Variants in EFHB observed in about 807,000 individuals in gnomAD.
EFHB encodes EF-hand domain-containing family member B.
EFHB carries 91 observed loss-of-function variants against 87.2 expected under a neutral mutation model. That is an observed-to-expected ratio of 1.04 (90% CI 0.88 to 1.24). The LOEUF is 1.24. Among genes scored for constraint, EFHB ranks in the 50% most tolerant of loss-of-function variants. EFHB has a pLI of 0.00. For synonymous variants in EFHB, 325 were observed against 333.6 expected (o/e 0.97, Z 0.28); for missense variants, 1,084 against 998.8 (o/e 1.09, Z -1.15).
intron 8 of EFHB, among the ~76,000 whole-genome samples, chr3:19,898,209 T>A (rs975037034): frequency 6.6e-5 from 10 of 152,240 alleles, no homozygotes; most frequent in African/African-American, 2.2e-4. Flanking sequence ...GATTGATTGA[T>A]CAACTTACTG....
chr3:19,940,907 T>C (rs1575058773), intron 1 of EFHB: 2 of 344,578 alleles, frequency 5.8e-6, no homozygotes, highest in Admixed American at 3.4e-5. Flanking sequence ...TGAAGGTCTG[T>C]CTGCTTGGAA....
At chr3:19,936,733 T>C (rs1423945351), upstream of EFHB, among the ~76,000 whole-genome samples, 1 of 151,742 alleles carries the variant, frequency 6.6e-6, no homozygotes, top group Non-Finnish European at 1.5e-5. Flanking sequence ...CTGGACATGG[T>C]GGCCAGCACT....
chr3:19,945,389 C>G (rs761201692), intron 1 of EFHB, among the ~76,000 whole-genome samples: 1 of 152,148 alleles, frequency 6.6e-6, no homozygotes, highest in Non-Finnish European at 1.5e-5. Flanking sequence ...CAGCAGTATG[C>G]ATTAATTTCA....
rs572282358 is a variant in EFHB, at chr3:19,891,704, G to A, written c.1726-3053C>T. ...CTATAGGACAAAAATTATGGCTACT[G>A]ATTGAACTATCTGGGTAGTTCATGT... is the stretch of plus-strand genomic sequence containing the variant. On this transcript the variant is annotated intron_variant, in intron 9 of 12. Transcript: ENST00000295824. Among the ~76,000 whole-genome samples, 18 of 152,288 alleles carry A rather than the reference G, an allele frequency of 1.2e-4. No homozygotes were observed. The South Asian group carries it at 3.7e-3, about 32-fold the overall frequency.
chr3:19,898,446 A>G (rs991343962), intron 8 of EFHB, among the ~76,000 whole-genome samples: 3 of 152,234 alleles, frequency 2.0e-5, no homozygotes, highest in African/African-American at 7.2e-5. Flanking sequence ...CGTTAGGACT[A>G]GGACAATATC....
At position 19,933,871 on chromosome 3, in the gene EFHB, T is replaced by C. The variant is rs1418962471; in HGVS notation, c.148A>G (p.Ser50Gly). 1 of 1,613,974 alleles carries C rather than the reference T, an allele frequency of 6.2e-7. No individual in the cohort carries two copies. Among genetic ancestry groups the C allele is most frequent in the Admixed American group, 1.7e-5 (1 of 60,014 alleles). The part of the protein sequence containing the change: ...DSRCGESPVV[S>G]NKCEGRMAPP... Reference sequence around the variant, plus strand: ...GCCATCCTTCCCTCACACTTATTACTAACCACAGGGCTCTCCCCGCATCGG... The same window carrying C: ...GCCATCCTTCCCTCACACTTATTACCAACCACAGGGCTCTCCCCGCATCGG... The change falls in exon 1 of 13, where the codon AGT becomes GGT. Residue 50 changes from serine (S) to glycine (G), a missense_variant. Transcript: ENST00000295824.
chr3:19,945,604 T>G (rs531711003), intron 1 of EFHB, among the ~76,000 whole-genome samples: 24 of 152,298 alleles, frequency 1.6e-4, no homozygotes, highest in Admixed American at 1.3e-3. Context: ...GGTTTCGTTT[T>G]GGGCATACTG....
rs2071624529 is a variant in EFHB at position 19,879,705 on chromosome 3, A to AG, written c.2427_2428insC (p.Cys810LeufsTer3). ...AGAACATTTCTGATGTTCTCAACAC[A>AG]AACTTCTCCTCTGTGATGCTTTTTT... On this transcript the variant is annotated frameshift_variant, in exon 13 of 13. Coordinates refer to ENST00000295824, the MANE Select transcript of EFHB (RefSeq NM_144715.4). LOFTEE classifies it high-confidence loss of function. 1 of 1,610,964 alleles carries AG rather than the reference A, an allele frequency of 6.2e-7. No homozygotes were observed. The highest frequency in any genetic ancestry group is 1.1e-5 in the South Asian group (1 of 90,480).
intron 11 of EFHB, among the ~76,000 whole-genome samples, chr3:19,883,535 C>CAAG (rs2071734563): frequency 6.6e-6 from 1 of 152,166 alleles, no homozygotes; most frequent in African/African-American, 2.4e-5. Context: ...CATCATGCTT[C>CAAG]ATATTGATAT....
chr3:19,892,519 A>G (rs1694337146), intron 9 of EFHB, among the ~76,000 whole-genome samples: 1 of 152,364 alleles, frequency 6.6e-6, no homozygotes, highest in African/African-American at 2.4e-5. Flanking sequence ...CAACAGCACC[A>G]TGCAACAGCA....
intron 1 of EFHB, among the ~76,000 whole-genome samples, chr3:19,927,592 C>T (rs1398153308): frequency 1.3e-5 from 2 of 152,170 alleles, no homozygotes; most frequent in Non-Finnish European, 2.9e-5. Context: ...TGCTCTTCCT[C>T]GCTCAAAACT....
At chr3:19,903,475 AATTT>A (rs546713473) in intron 6 of EFHB, among the ~76,000 whole-genome samples, 2 of 152,138 alleles carry the variant, frequency 1.3e-5, no homozygotes, top group South Asian at 2.1e-4. Flanking sequence ...TTTAAGTATC[AATTT>A]ATTTATTATA....
chr3:19,934,138 C>G lies in EFHB; in HGVS notation c.-120G>C. 1 of 1,457,094 alleles carries G rather than the reference C, an allele frequency of 6.9e-7. No homozygotes were observed. Among genetic ancestry groups the G allele is most frequent in the Non-Finnish European group, 9.0e-7 (1 of 1,112,350 alleles). 90.3% of individuals were successfully genotyped at this position (1,457,094 alleles called of 1,614,324 possible). The stretch of plus-strand genomic sequence containing the variant: ...ACCCCTCTCTCAGGAAAGAGCACAA[C>G]CTCACTCGGACTCCCTGTCCATTGC... On this transcript the variant is annotated 5_prime_UTR_variant, in exon 1 of 13. Transcript: ENST00000295824.
intron 1 of EFHB, among the ~76,000 whole-genome samples, chr3:19,928,814 A>G (rs1695723090): frequency 6.6e-6 from 1 of 152,070 alleles, no homozygotes. Flanking sequence ...GGAAATAGAG[A>G]TAGATGAAAG....
At chr3:19,921,178 A>C (rs1192103189) in intron 1 of EFHB, among the ~76,000 whole-genome samples, 1 of 152,214 alleles carries the variant, frequency 6.6e-6, no homozygotes, top group Admixed American at 6.5e-5. Context: ...AGAGAAATTG[A>C]GAATGGAGTG....
intron 5 of EFHB, among the ~76,000 whole-genome samples, chr3:19,908,066 T>C (rs547000871): frequency 1.3e-5 from 2 of 152,284 alleles, no homozygotes; most frequent in East Asian, 3.9e-4. Flanking sequence ...TTTACAAAGG[T>C]ATATCAACAA....
intron 12 of EFHB, among the ~76,000 whole-genome samples, chr3:19,881,687 G>A (rs1330546954): frequency 6.6e-6 from 1 of 152,064 alleles, no homozygotes; most frequent in Non-Finnish European, 1.5e-5. Flanking sequence ...AAGAATTGCT[G>A]GGATGCATCT....
intron 6 of EFHB, among the ~76,000 whole-genome samples, chr3:19,901,628 C>T (rs992036596): frequency 6.6e-6 from 1 of 152,116 alleles, no homozygotes; most frequent in East Asian, 1.9e-4. Flanking sequence ...AGGGCTATAA[C>T]TTGAACAAAC....
At chr3:19,940,705 T>A (rs1314390620) in intron 1 of EFHB, 2 of 351,056 alleles carry the variant, frequency 5.7e-6, no homozygotes, top group Admixed American at 3.7e-5. Context: ...CCTGTACTCT[T>A]GTGCACAGCA....
Sources: gnomAD v4.1 joint callset for allele counts (sites outside exome capture counted in the v4.1 genomes callset) on GRCh38, gnomAD v4.1.1 for gene constraint, MANE v1.5 for transcripts, NCBI Gene and HGNC (gene_info 2026-07-23, HGNC 2026-07-21) for gene names.